Variants in NAGPA observed in about 807,000 individuals in gnomAD.
NAGPA encodes the protein N-acetylglucosamine-1-phosphodiester alpha-N-acetylglucosaminidase, also known as alpha-N-acetylglucosaminyl phosphodiesterase.
Under a neutral mutation model 48.5 loss-of-function variants are expected in NAGPA, and 56 were observed. That is an observed-to-expected ratio of 1.15 (90% CI 0.93 to 1.44). NAGPA has a LOEUF of 1.44. Among genes scored for constraint, NAGPA ranks in the 40% most tolerant of loss-of-function variants. NAGPA has a pLI of 0.00. For synonymous variants in NAGPA, 399 were observed against 315.5 expected (o/e 1.26, Z -2.81); for missense variants, 888 against 735.0 (o/e 1.21, Z -2.41).
intron 5 of NAGPA, 63 bp downstream of exon 5, chr16:5,028,817 A>C: frequency 6.2e-7 from 1 of 1,612,020 alleles, no homozygotes; most frequent in Non-Finnish European, 8.5e-7. Flanking sequence ...ATATTGGCTG[A>C]ATGAGACAGG....
chr16:5,032,499 C>CT (rs898247241), intron 2 of NAGPA, among the ~76,000 whole-genome samples: 2 of 145,216 alleles, frequency 1.4e-5, no homozygotes, highest in African/African-American at 5.6e-5. Flanking sequence ...CCGTTCCCCA[C>CT]CCCATCCCGT....
intron 2 of NAGPA, among the ~76,000 whole-genome samples, chr16:5,032,627 C>T (rs528813299): frequency 3.9e-4 from 60 of 151,934 alleles, no homozygotes; most frequent in African/African-American, 1.4e-3. Context: ...TGCAGTGAGC[C>T]GGTATCATGC....
At chr16:5,026,197 A>G (rs12924075) in intron 9 of NAGPA, among the ~76,000 whole-genome samples, 146,729 of 150,546 alleles carry the variant, frequency 0.97, 71,614 homozygotes, top group East Asian at 1. Context: ...CCAAAGTGCT[A>G]GGATTACAGG....
At position 5,028,045 on chromosome 16, in the gene NAGPA, C is replaced by A. The variant is rs1358103526; in HGVS notation, c.1061G>T (p.Gly354Val). ...HCQCTGHFWR[G>V]PGCDELDCGP... ...ACAGTCCAGCTCATCACAGCCGGGA[C>A]CCCGCCAGAAGTGCCCGGTGCATTG... is the stretch of plus-strand genomic sequence containing the variant. Residue 354 changes from glycine (G) to valine (V), a missense_variant, in exon 6 of 10, where the codon GGT (glycine) becomes GTT (valine). Gly to Val is a moderately radical substitution (Grantham distance 109). Transcript: ENST00000312251. 6.2e-7 allele frequency: 1 copy of A among 1,613,746 alleles called. No individual in the cohort carries two copies. The highest frequency in any genetic ancestry group is 8.5e-7 in the Non-Finnish European group (1 of 1,179,948).
rs1320218382 is a variant in NAGPA, at chr16:5,025,326, C to G, written c.*152G>C. 8.9e-6 allele frequency: 8 copies of G among 899,454 alleles called. No individual in the cohort carries two copies. Among genetic ancestry groups the G allele is most frequent in the Non-Finnish European group, 1.4e-5 (8 of 579,448 alleles). 55.7% of individuals were successfully genotyped at this position (899,454 alleles called of 1,614,324 possible). On this transcript the variant is annotated 3_prime_UTR_variant, in exon 10 of 10. Coordinates refer to ENST00000312251, the MANE Select transcript of NAGPA (RefSeq NM_016256.4). Reference sequence around the variant, plus strand: ...CCCTGGCAGGTGGCCAGGTGAGGGGCTGAGGCACAAGTGCTATCAGGAACT... The same window carrying G: ...CCCTGGCAGGTGGCCAGGTGAGGGGGTGAGGCACAAGTGCTATCAGGAACT...
In NAGPA at chr16:5,029,020, A is replaced by G. The variant is rs748371950; in HGVS notation, c.792-12T>C. ...CCCACAGGTTGATGCTGCGGCACAAAGCGGCGCTGCTCAGGCTCAGCGCCC... is the reference window on the plus strand; with the variant it reads ...CCCACAGGTTGATGCTGCGGCACAAGGCGGCGCTGCTCAGGCTCAGCGCCC... On this transcript the variant is annotated splice_polypyrimidine_tract_variant and intron_variant, in intron 4 of 9. Transcript: ENST00000312251. 1.2e-6 allele frequency: 2 copies of G among 1,612,322 alleles called. No individual in the cohort carries two copies. The highest frequency in any genetic ancestry group is 1.3e-5 in the African/African-American group (1 of 74,948).
chr16:5,028,614 C>T (rs55936034), intron 5 of NAGPA: 6,574 of 578,118 alleles, frequency 0.011, 95 homozygotes, highest in South Asian at 0.033. Context: ...GCCCTCTGCC[C>T]GGAAGGCTCT....
At chr16:5,027,796 C>T in intron 7 of NAGPA, 50 bp downstream of exon 7, 1 of 1,549,410 alleles carries the variant, frequency 6.5e-7, no homozygotes, top group Non-Finnish European at 8.7e-7. Flanking sequence ...GCAGTGGGGG[C>T]TGCCGGGGGC....
intron 5 of NAGPA, chr16:5,028,589 C>A: frequency 1.8e-6 from 1 of 553,890 alleles, no homozygotes. Flanking sequence ...CAGCCCTGGG[C>A]CTTTCACATG....
rs756669461 is a variant in NAGPA at position 5,027,992 on chromosome 16, G to T, written c.1114C>A (p.Leu372Met). The T allele has an allele frequency of 9.4e-6, 15 of 1,587,500 alleles. 1 individual carries two copies. The South Asian group carries it at 1.5e-4, about 16-fold the overall frequency. Residue 372 changes from leucine (L) to methionine (M), a missense_variant, in exon 6 of 10, where the codon CTG (leucine) becomes ATG (methionine). Coordinates refer to ENST00000312251, the MANE Select transcript of NAGPA (RefSeq NM_016256.4). ...AACCCCCACTCACTCTCCGTGCACA[G>T]TCCGTGCTGGCTGCAGTTAGAGGGG... Reference protein sequence around the residue: ...CGPSNCSQHGLCTETGCRCDA... With the variant: ...CGPSNCSQHGMCTETGCRCDA...
intron 5 of NAGPA, chr16:5,028,645 A>G: frequency 1.6e-6 from 1 of 616,810 alleles, no homozygotes; most frequent in South Asian, 1.8e-5. Context: ...CCCAGCTACC[A>G]CCTCCTTCAG....
At chr16:5,032,887 T>G in intron 2 of NAGPA, 2 of 284,082 alleles carry the variant, frequency 7.0e-6, no homozygotes, top group South Asian at 4.1e-5. Context: ...CGGAGAGGCG[T>G]GTTCCAGATC....
intron 4 of NAGPA, 188 bp from the exon 5 acceptor site, chr16:5,029,196 G>A (rs988306479): frequency 1.1e-6 from 1 of 920,848 alleles, no homozygotes. Flanking sequence ...CCATGCCTGT[G>A]CTGTTACATG....
At chr16:5,028,353 G>T (rs1440907162) in intron 5 of NAGPA, 168 bp from the exon 6 acceptor site, 3 of 1,317,228 alleles carry the variant, frequency 2.3e-6, no homozygotes, top group Non-Finnish European at 2.1e-6. Context: ...TTCCACCCGA[G>T]CCTCCTGAGC....
In NAGPA at chr16:5,029,050, TC is replaced by T. The variant is rs777578999; in HGVS notation, c.792-43del. On this transcript the variant is annotated intron_variant, in intron 4 of 9. Coordinates refer to ENST00000312251, the MANE Select transcript of NAGPA (RefSeq NM_016256.4). ...CGCTGCTCAGGCTCAGCGCCCACCA[TC>T]ATTTCTCATTTAACTCCTTTTCCTT... 6 of 1,607,570 alleles carry T rather than the reference TC, an allele frequency of 3.7e-6. No individual in the cohort carries two copies. In the South Asian group the frequency reaches 6.6e-5, roughly 18 times the overall value.
In NAGPA at chr16:5,033,559, T is replaced by C; in HGVS notation, c.256A>G (p.Arg86Gly). The part of the protein sequence containing the change: ...LAVRTFVSHF[R>G]DRAVAGHLTR... ...AGGTGGCCGGCCACCGCGCGGTCCC[T>C]GAAGTGCGACACGAAGGTGCGCACG... Residue 86 changes from arginine (R) to glycine (G), a missense_variant, in exon 2 of 10, where the codon AGG becomes GGG. Physicochemically the swap from Arg to Gly is moderately radical, Grantham distance 125. Coordinates refer to ENST00000312251, the MANE Select transcript of NAGPA (RefSeq NM_016256.4). This position sits in a 1 kb window ranked among gnomAD's most constrained non-coding sequence, Gnocchi z 4.2. 1 of 1,505,784 alleles carries C rather than the reference T, an allele frequency of 6.6e-7. No individual in the cohort carries two copies. The highest frequency in any genetic ancestry group is 8.8e-7 in the Non-Finnish European group (1 of 1,136,716). The allele number at this position is 1,505,784 out of a possible 1,614,324, so 93.3% of individuals were successfully genotyped here.
intron 7 of NAGPA, 70 bp from the exon 8 acceptor site, chr16:5,027,449 T>A: frequency 6.6e-7 from 1 of 1,504,356 alleles, no homozygotes; most frequent in Non-Finnish European, 9.2e-7. Context: ...AGAGCCTTTC[T>A]CGACAGGACA....
intron 7 of NAGPA, 70 bp downstream of exon 7, chr16:5,027,776 C>T (rs2142557898): frequency 6.5e-7 from 1 of 1,541,714 alleles, no homozygotes; most frequent in Non-Finnish European, 8.8e-7. Flanking sequence ...GAGACAGAAG[C>T]AGCAGAGGAG....
Position 5,031,965 on chromosome 16 carries a change from A to G in NAGPA, c.543-81T>C, listed in dbSNP as rs1956107875. The stretch of plus-strand genomic sequence containing the variant: ...CAGGCTCTTTCTCCCTAGCCATCCC[A>G]ACCTGGCTGCTAGATTCCCCCTCAT... On this transcript the variant is annotated intron_variant, in intron 2 of 9. Transcript: ENST00000312251. 4.4e-6 allele frequency: 7 copies of G among 1,593,510 alleles called. No individual in the cohort carries two copies. In the East Asian group the frequency reaches 1.6e-4, roughly 36 times the overall value.
Sources: gnomAD v4.1 joint callset for allele counts (sites outside exome capture counted in the v4.1 genomes callset) on GRCh38, gnomAD v4.1.1 for gene constraint, Gnocchi (gnomAD v3.1) non-coding constraint, MANE v1.5 for transcripts, NCBI Gene and HGNC (gene_info 2026-07-23, HGNC 2026-07-21) for gene names.